The following PTPRD variants were observed in gnomAD, a reference collection of about 807,000 sequenced individuals.
The protein encoded by PTPRD is protein tyrosine phosphatase receptor type D, also known as receptor-type tyrosine-protein phosphatase delta.
Under a neutral mutation model 214.5 loss-of-function variants are expected in PTPRD, and 34 were observed. The ratio of observed to expected loss-of-function variants is 0.16; its 90% CI spans 0.12 to 0.21. The LOEUF (loss-of-function observed/expected upper bound fraction) is 0.21. PTPRD is among the 10% of genes least tolerant of loss of function. PTPRD has a pLI of 1.00. For synonymous variants in PTPRD, 1,128 were observed against 845.7 expected, an observed-to-expected ratio of 1.33 and a Z score of -5.79; for missense variants, 2,545 against 2,398.7, an observed-to-expected ratio of 1.06 and a Z score of -1.27.
At chr9:9,751,628 A>C (rs1274521957) in intron 6 of PTPRD, among the ~76,000 whole-genome samples, 1 of 152,132 alleles carries the variant, frequency 6.6e-6, no homozygotes, top group Non-Finnish European at 1.5e-5. Context: ...CCTTTTAAAA[A>C]GAATAACGTG....
chr9:10,465,291 C>A (rs941805942), intron 2 of PTPRD, among the ~76,000 whole-genome samples: 1 of 152,272 alleles, frequency 6.6e-6, no homozygotes, highest in South Asian at 2.1e-4. Context: ...ACCTGCCACA[C>A]TAGCCGCAAC....
At chr9:9,126,544 A>C (rs1416385117) in intron 10 of PTPRD, among the ~76,000 whole-genome samples, 1 of 152,248 alleles carries the variant, frequency 6.6e-6, no homozygotes, top group Non-Finnish European at 1.5e-5. Flanking sequence ...AAACTTCTAA[A>C]TAAAGATTCA....
At chr9:10,150,226 T>C (rs2099051546) in intron 3 of PTPRD, among the ~76,000 whole-genome samples, 1 of 152,042 alleles carries the variant, frequency 6.6e-6, no homozygotes, top group African/African-American at 2.4e-5. Context: ...CAATAAGAAA[T>C]GGTGAAATAC....
chr9:9,896,659 G>C (rs1601356011), intron 5 of PTPRD, among the ~76,000 whole-genome samples: 1 of 152,008 alleles, frequency 6.6e-6, no homozygotes, highest in East Asian at 1.9e-4. Context: ...AAGAGGATCA[G>C]TCTAAGAAGC....
intron 12 of PTPRD, among the ~76,000 whole-genome samples, chr9:8,703,433 T>A (rs1359241817): frequency 6.6e-6 from 1 of 152,162 alleles, no homozygotes; most frequent in Non-Finnish European, 1.5e-5. Context: ...ACCACCTCAG[T>A]CTCCCTGATG....
intron 5 of PTPRD, among the ~76,000 whole-genome samples, chr9:9,905,938 G>A (rs926866412): frequency 2.6e-5 from 4 of 151,944 alleles, no homozygotes; most frequent in African/African-American, 9.7e-5. Context: ...GATAAGGTGG[G>A]ACCAGAATAC....
At chr9:9,333,500 T>TATATTATATATATATATATATA (rs2043132940) in intron 9 of PTPRD, among the ~76,000 whole-genome samples, 1 of 98,926 alleles carries the variant, frequency 1.0e-5, no homozygotes, top group African/African-American at 6.0e-5. Flanking sequence ...TATTATATAG[T>TATATTATATATATATATATATA]ATATTATATA....
intron 2 of PTPRD, among the ~76,000 whole-genome samples, chr9:10,463,771 GAA>G (rs895683174): frequency 5.3e-5 from 8 of 151,590 alleles, no homozygotes; most frequent in African/African-American, 1.9e-4. Context: ...TGTGATCCAA[GAA>G]AAAAAGAGGT....
intron 39 of PTPRD, among the ~76,000 whole-genome samples, chr9:8,343,855 C>T (rs900111747): frequency 4.6e-5 from 7 of 151,944 alleles, no homozygotes; most frequent in Admixed American, 1.3e-4. Flanking sequence ...ATGAGCAGCC[C>T]GTCCCGGTAA....
intron 5 of PTPRD, among the ~76,000 whole-genome samples, chr9:9,796,467 T>C (rs1417429398): frequency 3.9e-5 from 6 of 151,986 alleles, no homozygotes; most frequent in Admixed American, 2.0e-4. Flanking sequence ...AATTGAAAAA[T>C]AGTCATGTAA....
At chr9:8,767,413 G>A (rs556187457) in intron 11 of PTPRD, among the ~76,000 whole-genome samples, 101 of 152,106 alleles carry the variant, frequency 6.6e-4, no homozygotes, top group African/African-American at 2.1e-3. Context: ...CACCACACCC[G>A]GCGTCCCACA....
Position 9,929,781 on chromosome 9 carries a change from T to G in PTPRD, c.-368+8726A>C, listed in dbSNP as rs114748922. Among the ~76,000 whole-genome samples, 1,385 of 152,274 alleles carry G rather than the reference T, an allele frequency of 9.1e-3. 18 individuals are homozygous for G. Among genetic ancestry groups the G allele is most frequent in the African/African-American group, 0.032 (1,321 of 41,556 alleles). ...GAGGATGTCCCTAGGAAGTTTAAAT[T>G]TAAAAAGTTACATAGAGCTATGTGA... On this transcript the variant is annotated intron_variant, in intron 5 of 45. Coordinates refer to ENST00000381196, the MANE Select transcript of PTPRD (RefSeq NM_002839.4).
chr9:9,565,715 CATT>C (rs1486755141), intron 8 of PTPRD, among the ~76,000 whole-genome samples: 1 of 151,768 alleles, frequency 6.6e-6, no homozygotes, highest in Non-Finnish European at 1.5e-5. Context: ...GAAACTGTTA[CATT>C]ATTATTCATT....
At chr9:9,163,609 C>G (rs564374711) in intron 10 of PTPRD, among the ~76,000 whole-genome samples, 1 of 151,890 alleles carries the variant, frequency 6.6e-6, no homozygotes, top group East Asian at 2.0e-4. Flanking sequence ...AATCTATTGT[C>G]TACAGTGCAC....
chr9:8,488,362 T>C (rs753503682), intron 27 of PTPRD, among the ~76,000 whole-genome samples: 11 of 152,230 alleles, frequency 7.2e-5, no homozygotes, highest in Non-Finnish European at 1.0e-4. Context: ...ATCTACAATG[T>C]ATGAAAACAA....
chr9:8,872,022 C>G (rs1256633470), intron 11 of PTPRD, among the ~76,000 whole-genome samples: 1 of 152,092 alleles, frequency 6.6e-6, no homozygotes, highest in Admixed American at 6.6e-5. Context: ...CATTGAGGGC[C>G]AAAAGCTATT....
At chr9:8,841,110 T>C (rs1175327974) in intron 11 of PTPRD, among the ~76,000 whole-genome samples, 1 of 152,190 alleles carries the variant, frequency 6.6e-6, no homozygotes, top group Non-Finnish European at 1.5e-5. Context: ...GCTGTTTCAT[T>C]ACAACTCCTG....
intron 7 of PTPRD, among the ~76,000 whole-genome samples, chr9:9,712,937 C>T (rs2097762513): frequency 6.6e-6 from 1 of 152,102 alleles, no homozygotes; most frequent in African/African-American, 2.4e-5. Flanking sequence ...ATAAGAAATA[C>T]ACAAAACATT....
chr9:8,914,572 A>G (rs1309448897), intron 11 of PTPRD, among the ~76,000 whole-genome samples: 1 of 152,128 alleles, frequency 6.6e-6, no homozygotes, highest in Non-Finnish European at 1.5e-5. Flanking sequence ...ATGATTGGGA[A>G]CTGTTATAGA....
Sources: allele counts gnomAD v4.1 joint callset (sites outside exome capture counted in the v4.1 genomes callset), GRCh38; gene constraint gnomAD v4.1.1; transcripts MANE v1.5; gene names NCBI Gene and HGNC (gene_info 2026-07-23, HGNC 2026-07-21).